Variants in B3GALT1 observed in about 807,000 individuals in gnomAD.
The protein encoded by B3GALT1 is UDP-Gal:betaGlcNAc beta 1,3-galactosyltransferase, polypeptide 1.
In B3GALT1, 10 loss-of-function variants were observed where a neutral mutation model predicts 23.2. The observed-to-expected ratio is 0.43, with a 90% CI of 0.27 to 0.73. B3GALT1 has a LOEUF of 0.73. B3GALT1 is among the 30% of genes least tolerant of loss of function. The pLI is 0.21. For missense variants in B3GALT1, 299 were observed against 405.4 expected, an observed-to-expected ratio of 0.74 and a Z score of 2.25; for synonymous variants, 156 against 141.5, an observed-to-expected ratio of 1.10 and a Z score of -0.73.
intron 1 of B3GALT1, among the ~76,000 whole-genome samples, chr2:167,368,483 G>T (rs1335549166): frequency 6.6e-6 from 1 of 152,124 alleles, no homozygotes; most frequent in Non-Finnish European, 1.5e-5. Context: ...GCTATCTAGA[G>T]GGCAGAAGTA....
intron 2 of B3GALT1, among the ~76,000 whole-genome samples, chr2:167,587,074 CTCTAAGAAG>C (rs1478877811): frequency 6.6e-6 from 1 of 152,160 alleles, no homozygotes; most frequent in East Asian, 1.9e-4. Context: ...AACCCCTCCT[CTCTAAGAAG>C]TCTTAATTAC....
intron 2 of B3GALT1, among the ~76,000 whole-genome samples, chr2:167,500,479 C>T (rs185742030): frequency 3.3e-5 from 5 of 152,094 alleles, no homozygotes; most frequent in Non-Finnish European, 5.9e-5. Flanking sequence ...AATTCTCTTC[C>T]TTTGTATTTG....
intron 3 of B3GALT1, among the ~76,000 whole-genome samples, chr2:167,707,519 C>T (rs1033244111): frequency 4.7e-5 from 7 of 149,592 alleles, no homozygotes; most frequent in South Asian, 4.3e-4. Flanking sequence ...TTTTTTTTTC[C>T]GGCTTCTAGA....
rs1574188484 is a variant in B3GALT1, at chr2:167,646,967, G to GT, written c.-352+2dup. On this transcript the variant is annotated splice_donor_variant, in intron 3 of 4. Coordinates refer to ENST00000392690, the MANE Select transcript of B3GALT1 (RefSeq NM_020981.4). LOFTEE classifies it low-confidence loss of function (5UTR_SPLICE). ...TTCTGGAGATCGCCTCTTTGAAAGC[G>GT]TAAGTGTAAAGTTTATTTGGCTTAC... Among the ~76,000 whole-genome samples, 1 of 152,104 alleles carries GT rather than the reference G, an allele frequency of 6.6e-6. No homozygotes were observed. The highest frequency in any genetic ancestry group is 1.5e-5 in the Non-Finnish European group (1 of 68,030).
chr2:167,592,697 T>C (rs1380155880), intron 2 of B3GALT1, among the ~76,000 whole-genome samples: 1 of 152,112 alleles, frequency 6.6e-6, no homozygotes, highest in Admixed American at 6.5e-5. Context: ...CAGTCATCAG[T>C]TTAATGGTTT....
intron 3 of B3GALT1, among the ~76,000 whole-genome samples, chr2:167,813,822 TTTGCATACAGCAATTGGATATTGAG>T (rs1458830747): frequency 6.6e-6 from 1 of 152,210 alleles, no homozygotes. Context: ...GATAATAGTA[TTTGCATACAGCAATTGGATATTGAG>T]TTGCATACAG....
chr2:167,396,372 T>TAAATAGAGTGAGCCTTTGGG (rs1303696352), intron 1 of B3GALT1, among the ~76,000 whole-genome samples: 12 of 152,110 alleles, frequency 7.9e-5, no homozygotes, highest in African/African-American at 2.6e-4. Flanking sequence ...GAATGCTTAG[T>TAAATAGAGTGAGCCTTTGGG]AAATAGAGTG....
chr2:167,446,200 C>A (rs1000377838), intron 1 of B3GALT1, among the ~76,000 whole-genome samples: 1 of 152,222 alleles, frequency 6.6e-6, no homozygotes, highest in Non-Finnish European at 1.5e-5. Context: ...CCCCCACTTT[C>A]TTCTGGCTTG....
At chr2:167,410,525 C>T (rs955217125) in intron 1 of B3GALT1, among the ~76,000 whole-genome samples, 7 of 145,904 alleles carry the variant, frequency 4.8e-5, no homozygotes, top group African/African-American at 1.5e-4. Flanking sequence ...GGGAGTTCAA[C>T]AATGAGAACA....
intron 2 of B3GALT1, among the ~76,000 whole-genome samples, chr2:167,573,156 G>T (rs1161465032): frequency 4.0e-5 from 6 of 151,624 alleles, no homozygotes; most frequent in Non-Finnish European, 7.4e-5. Context: ...TGTCACCAAG[G>T]TTGTAAAGAG....
chr2:167,397,147 T>C (rs1203931524), intron 1 of B3GALT1, among the ~76,000 whole-genome samples: 2 of 152,026 alleles, frequency 1.3e-5, no homozygotes, highest in Non-Finnish European at 2.9e-5. Context: ...TTAGGTGAAA[T>C]CTGCTTTTTG....
At chr2:167,423,095 T>C (rs1055026288) in intron 1 of B3GALT1, among the ~76,000 whole-genome samples, 16 of 152,280 alleles carry the variant, frequency 1.1e-4, no homozygotes, top group African/African-American at 3.4e-4. Flanking sequence ...GCACCAATAT[T>C]AAGTCATACC....
At chr2:167,312,862 C>A (rs985824386) in intron 1 of B3GALT1, among the ~76,000 whole-genome samples, 1 of 151,938 alleles carries the variant, frequency 6.6e-6, no homozygotes. Flanking sequence ...GAAGAAATGT[C>A]ATGGTACTGT....
intron 3 of B3GALT1, among the ~76,000 whole-genome samples, chr2:167,662,935 CTTTT>C (rs34076551): frequency 6.6e-6 from 1 of 151,166 alleles, no homozygotes; most frequent in Non-Finnish European, 1.5e-5. Flanking sequence ...ATGTCACTTT[CTTTT>C]TTTTTATTGT....
intron 3 of B3GALT1, among the ~76,000 whole-genome samples, chr2:167,799,270 A>T (rs1373134294): frequency 6.6e-6 from 1 of 152,148 alleles, no homozygotes; most frequent in Non-Finnish European, 1.5e-5. Flanking sequence ...AGTCTATACA[A>T]TTCCAGTGCT....
At chr2:167,659,947 C>A (rs1449605059) in intron 3 of B3GALT1, among the ~76,000 whole-genome samples, 1 of 152,004 alleles carries the variant, frequency 6.6e-6, no homozygotes, top group African/African-American at 2.4e-5. Context: ...GTATTCAATT[C>A]AAATTTTTAT....
At chr2:167,410,125 A>AG (rs534469687) in intron 1 of B3GALT1, among the ~76,000 whole-genome samples, 9 of 152,162 alleles carry the variant, frequency 5.9e-5, no homozygotes, top group Non-Finnish European at 1.3e-4. Context: ...TGTCCTTTGC[A>AG]GGGACATGGA....
At chr2:167,787,595 A>G (rs986024242) in intron 3 of B3GALT1, among the ~76,000 whole-genome samples, 4 of 152,218 alleles carry the variant, frequency 2.6e-5, no homozygotes, top group Non-Finnish European at 4.4e-5. Flanking sequence ...AAGACTCACC[A>G]TCACATTTTC....
At chr2:167,458,573 A>C (rs1699207943) in intron 1 of B3GALT1, among the ~76,000 whole-genome samples, 1 of 152,188 alleles carries the variant, frequency 6.6e-6, no homozygotes, top group African/African-American at 2.4e-5. Flanking sequence ...ACGTTCCTAC[A>C]GTGTACAAGG....
Sources: gnomAD v4.1 joint callset for allele counts (sites outside exome capture counted in the v4.1 genomes callset) on GRCh38, gnomAD v4.1.1 for gene constraint, MANE v1.5 for transcripts, NCBI Gene and HGNC (gene_info 2026-07-23, HGNC 2026-07-21) for gene names.